TBC1D32: variants seen among roughly 807,000 people sequenced by gnomAD.
TBC1D32 encodes the protein TBC1 domain family member 32.
A neutral mutation model predicts 170.3 loss-of-function variants in TBC1D32; 151 were observed. The ratio of observed to expected loss-of-function variants is 0.89; its 90% CI spans 0.78 to 1.01. The LOEUF (loss-of-function observed/expected upper bound fraction) is 1.01, where lower values mean the gene tolerates loss of function less well. Ranked by LOEUF, TBC1D32 falls within the 50% of genes least tolerant of loss-of-function variation. The pLI is 0.00. For missense variants in TBC1D32, 1,464 were observed against 1,457.1 expected, an observed-to-expected ratio of 1.00 and a Z score of -0.08; for synonymous variants, 498 against 488.0, an observed-to-expected ratio of 1.02 and a Z score of -0.27.
At chr6:121,122,206 A>C (rs933417128) in intron 26 of TBC1D32, among the ~76,000 whole-genome samples, 2 of 151,790 alleles carry the variant, frequency 1.3e-5, no homozygotes, top group African/African-American at 4.8e-5. Flanking sequence ...AGAATCCAAA[A>C]ACTTCTCACC....
intron 9 of TBC1D32, among the ~76,000 whole-genome samples, chr6:121,302,063 T>C (rs1032763145): frequency 6.6e-6 from 1 of 152,188 alleles, no homozygotes; most frequent in African/African-American, 2.4e-5. Flanking sequence ...AACTTAATAA[T>C]AAGAGAAGTT....
At position 121,091,042 on chromosome 6, in the gene TBC1D32, CT is replaced by C; in HGVS notation, c.3466-2del. The C allele has an allele frequency of 1.9e-6, 3 of 1,552,196 alleles. No individual in the cohort carries two copies. Among genetic ancestry groups the C allele is most frequent in the South Asian group, 2.4e-5 (2 of 83,740 alleles). The stretch of plus-strand genomic sequence containing the variant: ...ACTGGGTTATCCATTGCAGGCAAAT[CT>C]TTAAAAAAAAAAAGTAGTAAGTTCA... On this transcript the variant is annotated splice_acceptor_variant, in intron 30 of 31. Transcript: ENST00000398212. LOFTEE classifies it high-confidence loss of function.
At chr6:121,090,402 TAAC>T (rs1348359462) in intron 31 of TBC1D32, among the ~76,000 whole-genome samples, 6 of 152,258 alleles carry the variant, frequency 3.9e-5, no homozygotes, top group Non-Finnish European at 5.9e-5. Flanking sequence ...CATTTGGTGA[TAAC>T]TTTTTAAAAT....
intron 22 of TBC1D32, among the ~76,000 whole-genome samples, chr6:121,184,704 G>T (rs947968476): frequency 6.6e-6 from 1 of 151,606 alleles, no homozygotes; most frequent in African/African-American, 2.4e-5. Context: ...AGGAACTTCT[G>T]ACAAGGTGCA....
chr6:121,237,726 C>T (rs1223824136), intron 20 of TBC1D32, among the ~76,000 whole-genome samples: 1 of 151,806 alleles, frequency 6.6e-6, no homozygotes, highest in Non-Finnish European at 1.5e-5. Context: ...TATTTCTCTA[C>T]TCTGATTTCT....
At chr6:121,097,757 G>A (rs763527852) in intron 30 of TBC1D32, among the ~76,000 whole-genome samples, 20 of 152,056 alleles carry the variant, frequency 1.3e-4, no homozygotes, top group Middle Eastern at 3.4e-3. Flanking sequence ...TGTTTATAGC[G>A]GCACTATTCA....
chr6:121,111,837 C>T (rs903024987), intron 29 of TBC1D32, among the ~76,000 whole-genome samples: 16 of 152,104 alleles, frequency 1.1e-4, no homozygotes, highest in Non-Finnish European at 2.4e-4. Context: ...CATGTGATTT[C>T]ACTGTCCAAA....
chr6:121,261,169 G>A (rs749226895), intron 15 of TBC1D32, among the ~76,000 whole-genome samples: 10 of 152,268 alleles, frequency 6.6e-5, no homozygotes, highest in African/African-American at 1.9e-4. Context: ...AGGGGTGACC[G>A]CAGTCTCTAT....
At chr6:121,262,188 A>G (rs963444099) in intron 15 of TBC1D32, among the ~76,000 whole-genome samples, 4 of 152,218 alleles carry the variant, frequency 2.6e-5, no homozygotes, top group African/African-American at 9.6e-5. Context: ...AATGGAACCA[A>G]GTTAGAAAAC....
intron 22 of TBC1D32, among the ~76,000 whole-genome samples, chr6:121,202,279 G>GAAAAAAA (rs59539189): frequency 1.8e-5 from 2 of 113,950 alleles, no homozygotes; most frequent in Non-Finnish European, 3.3e-5. Context: ...ACTAGAGAAT[G>GAAAAAAA]AAAAAAAAAA....
chr6:121,137,355 AGTTT>A (rs1782214637), intron 24 of TBC1D32, among the ~76,000 whole-genome samples: 1 of 151,890 alleles, frequency 6.6e-6, no homozygotes, highest in Non-Finnish European at 1.5e-5. Flanking sequence ...GAAAACTACC[AGTTT>A]GTTTTCCCAA....
At chr6:121,332,821 T>C (rs1811380744) in intron 1 of TBC1D32, among the ~76,000 whole-genome samples, 1 of 152,134 alleles carries the variant, frequency 6.6e-6, no homozygotes, top group Non-Finnish European at 1.5e-5. Flanking sequence ...TAAATAACGT[T>C]ATCATCTAAT....
chr6:121,216,669 C>A (rs1031486676), intron 21 of TBC1D32, among the ~76,000 whole-genome samples: 8 of 152,058 alleles, frequency 5.3e-5, no homozygotes, highest in African/African-American at 1.7e-4. Flanking sequence ...ATACATTTGA[C>A]CATATGTGGA....
intron 15 of TBC1D32, among the ~76,000 whole-genome samples, chr6:121,275,421 A>G (rs1282293026): frequency 6.6e-6 from 1 of 152,216 alleles, no homozygotes; most frequent in East Asian, 1.9e-4. Context: ...GACAAATGAT[A>G]TGGAAAGGAA....
Position 121,115,199 on chromosome 6 carries a change from T to C in TBC1D32, c.3026A>G (p.Gln1009Arg). The C allele has an allele frequency of 6.2e-7, 1 of 1,603,626 alleles. No individual in the cohort carries two copies. The highest frequency in any genetic ancestry group is 1.7e-5 in the Admixed American group (1 of 59,156). ...GACAGTCATTTTAATGCCAAGCTGC[T>C]GCACAGATGAAAGACTTTCATTCTT... ...NVKNESLSSV[Q>R]QLGIKMTVRY... Residue 1009 changes from glutamine (Q) to arginine (R), a missense_variant, in exon 27 of 32, where the codon CAG (glutamine) becomes CGG (arginine). By Grantham distance (43) the Gln-to-Arg change is conservative (BLOSUM62 1). This residue lies in a region of TBC1D32 where 1,363 missense variants were observed against 1,338.1 expected (regional missense o/e 1.02). Transcript: ENST00000398212.
chr6:121,096,986 C>A (rs1424763504), intron 30 of TBC1D32, among the ~76,000 whole-genome samples: 1 of 152,124 alleles, frequency 6.6e-6, no homozygotes, highest in African/African-American at 2.4e-5. Flanking sequence ...GGAAAACTGG[C>A]TAGCCATATG....
chr6:121,269,529 T>C (rs143930126), intron 15 of TBC1D32, among the ~76,000 whole-genome samples: 7,480 of 152,100 alleles, frequency 0.049, 635 homozygotes, highest in African/African-American at 0.17. Context: ...CATTACATAA[T>C]GGTAAAGGGA....
At chr6:121,227,476 A>ACAG (rs1795217352) in intron 20 of TBC1D32, among the ~76,000 whole-genome samples, 1 of 152,188 alleles carries the variant, frequency 6.6e-6, no homozygotes, top group Admixed American at 6.5e-5. Flanking sequence ...TTTTCCAAAC[A>ACAG]CAGCATTTAT....
At position 121,303,767 on chromosome 6, in the gene TBC1D32, AGTTTGGG is replaced by A; in HGVS notation, c.936-13_936-7del. 2 of 1,512,332 alleles carry A rather than the reference AGTTTGGG, an allele frequency of 1.3e-6. No homozygotes were observed. The highest frequency in any genetic ancestry group is 1.4e-5 in the African/African-American group (1 of 72,810). 93.7% of individuals were successfully genotyped at this position (1,512,332 alleles called of 1,614,324 possible). On this transcript the variant is annotated splice_polypyrimidine_tract_variant and splice_region_variant and intron_variant, in intron 8 of 31. Coordinates refer to ENST00000398212, the MANE Select transcript of TBC1D32 (RefSeq NM_152730.6). The stretch of plus-strand genomic sequence containing the variant: ...CCACAATTTCTTCCATATACCTTAA[AGTTTGGG>A]AAAAAAGAAATACAATTACACATAT...
Sources: allele counts gnomAD v4.1 joint callset (sites outside exome capture counted in the v4.1 genomes callset), GRCh38; gene constraint gnomAD v4.1.1; regional missense constraint gnomAD v4.1.1; transcripts MANE v1.5; gene names NCBI Gene and HGNC (gene_info 2026-07-23, HGNC 2026-07-21).